The following DNM3 variants were observed in gnomAD, a reference collection of about 807,000 sequenced individuals.
The protein encoded by DNM3 is dynamin-3.
Under a neutral mutation model 101.6 loss-of-function variants are expected in DNM3, and 47 were observed. That is an observed-to-expected ratio of 0.46 (90% confidence interval 0.37 to 0.59). The LOEUF (loss-of-function observed/expected upper bound fraction) is 0.59, where lower values mean the gene tolerates loss of function less well. DNM3 is among the 20% of genes least tolerant of loss of function. The pLI is 0.00. For synonymous variants in DNM3, 385 were observed against 387.9 expected, an observed-to-expected ratio of 0.99 and a Z score of 0.09; for missense variants, 849 against 1,085.7, an observed-to-expected ratio of 0.78 and a Z score of 3.06.
At chr1:172,026,681 A>G (rs1230100477) in intron 4 of DNM3, among the ~76,000 whole-genome samples, 3 of 151,458 alleles carry the variant, frequency 2.0e-5, no homozygotes, top group Non-Finnish European at 4.4e-5. Context: ...TTGAGACAGA[A>G]TCTTGGTTTG....
intron 14 of DNM3, among the ~76,000 whole-genome samples, chr1:172,159,211 G>C (rs2148278785): frequency 6.6e-6 from 1 of 152,012 alleles, no homozygotes; most frequent in Non-Finnish European, 1.5e-5. Flanking sequence ...GGAGAAAAAA[G>C]CCGTCTATGG....
At chr1:172,099,243 A>G (rs2054465399) in intron 13 of DNM3, among the ~76,000 whole-genome samples, 1 of 152,212 alleles carries the variant, frequency 6.6e-6, no homozygotes, top group African/African-American at 2.4e-5. Context: ...GATTAGCATA[A>G]TACAAATTTA....
At chr1:172,080,797 C>A (rs1404476877) in intron 11 of DNM3, among the ~76,000 whole-genome samples, 1 of 152,168 alleles carries the variant, frequency 6.6e-6, no homozygotes, top group Admixed American at 6.5e-5. Context: ...GTTGCGAAGA[C>A]CATGGGAAAA....
chr1:172,333,379 C>T (rs2066274676), intron 17 of DNM3, among the ~76,000 whole-genome samples: 1 of 152,090 alleles, frequency 6.6e-6, no homozygotes, highest in Non-Finnish European at 1.5e-5. Context: ...TGCCTAGACC[C>T]AGTTAGTAAT....
At chr1:172,331,220 T>C (rs1463535507) in intron 17 of DNM3, among the ~76,000 whole-genome samples, 2 of 152,308 alleles carry the variant, frequency 1.3e-5, no homozygotes, top group Non-Finnish European at 2.9e-5. Flanking sequence ...TATGACTGTG[T>C]TGTGTGTAAT....
At chr1:171,965,963 T>C (rs1416163946) in intron 2 of DNM3, among the ~76,000 whole-genome samples, 2 of 152,132 alleles carry the variant, frequency 1.3e-5, no homozygotes, top group Non-Finnish European at 2.9e-5. Context: ...TTGTTATGAA[T>C]AACAAACGAT....
intron 2 of DNM3, among the ~76,000 whole-genome samples, chr1:171,958,115 G>A (rs906857965): frequency 2.0e-5 from 3 of 152,146 alleles, no homozygotes; most frequent in Non-Finnish European, 2.9e-5. Flanking sequence ...TGAAAGGCAC[G>A]TCTCACATGG....
chr1:172,097,005 C>G (rs1488062267), intron 13 of DNM3, among the ~76,000 whole-genome samples: 1 of 152,024 alleles, frequency 6.6e-6, no homozygotes, highest in Non-Finnish European at 1.5e-5. Flanking sequence ...AAAGAGTTCT[C>G]AGGGGGTTAA....
At chr1:171,883,928 G>T (rs891802461) in intron 1 of DNM3, among the ~76,000 whole-genome samples, 2 of 152,146 alleles carry the variant, frequency 1.3e-5, no homozygotes, top group African/African-American at 4.8e-5. Flanking sequence ...TCTTATAAGG[G>T]TTTGCTTTCC....
chr1:172,400,264 T>C (rs2070368033), intron 20 of DNM3, among the ~76,000 whole-genome samples: 1 of 152,148 alleles, frequency 6.6e-6, no homozygotes, highest in Non-Finnish European at 1.5e-5. Flanking sequence ...CTCCCTCTCC[T>C]GGTGCCTGAA....
In DNM3 at chr1:171,925,727, T is replaced by G. The variant is rs557505726; in HGVS notation, c.235+3906T>G. On this transcript the variant is annotated intron_variant, in intron 2 of 20. Transcript: ENST00000627582. ...TTAGTTTAGTTAAGTCCCGTTTGTC[T>G]ATTTCTGTTTTTGTTGCATTGCTTT... Among the ~76,000 whole-genome samples the G allele has an allele frequency of 2.0e-5, 3 of 152,362 alleles. No individual in the cohort carries two copies. In the East Asian group the frequency reaches 5.8e-4, roughly 29 times the overall value.
At chr1:172,282,980 C>A (rs1385310751) in intron 15 of DNM3, among the ~76,000 whole-genome samples, 1 of 152,200 alleles carries the variant, frequency 6.6e-6, no homozygotes. Flanking sequence ...TCAACTTGCA[C>A]CTGTTTTACT....
intron 14 of DNM3, among the ~76,000 whole-genome samples, chr1:172,169,973 C>T (rs1045553814): frequency 9.2e-5 from 14 of 151,764 alleles, no homozygotes; most frequent in African/African-American, 3.4e-4. Context: ...GCAAAGAAAT[C>T]CCTTGAAGCT....
At chr1:172,128,391 T>C (rs1346091854) in intron 13 of DNM3, among the ~76,000 whole-genome samples, 1 of 152,180 alleles carries the variant, frequency 6.6e-6, no homozygotes, top group Non-Finnish European at 1.5e-5. Flanking sequence ...AATTTTAGAA[T>C]GGTTGGTTTT....
At chr1:172,343,728 C>T (rs1241405333) in intron 17 of DNM3, among the ~76,000 whole-genome samples, 3 of 152,144 alleles carry the variant, frequency 2.0e-5, no homozygotes, top group Non-Finnish European at 4.4e-5. Context: ...ACAAAATATT[C>T]TGTAAAATTT....
At chr1:172,122,597 G>T (rs1257714688) in intron 13 of DNM3, among the ~76,000 whole-genome samples, 1 of 152,154 alleles carries the variant, frequency 6.6e-6, no homozygotes, top group Non-Finnish European at 1.5e-5. Flanking sequence ...AACATCAGAG[G>T]ATTATGCCAC....
Position 172,388,741 on chromosome 1 carries a change from C to T in DNM3, c.2454C>T (p.Ser818=), listed in dbSNP as rs369042235. 29 of 1,612,550 alleles carry T rather than the reference C, an allele frequency of 1.8e-5. No homozygotes were observed. The highest frequency in any genetic ancestry group is 1.6e-4 in the Middle Eastern group (1 of 6,082). ...RPGPLPPFPS[S]SDSFGAPPQV... is the part of the protein sequence containing the mutation. ...GCCCATTACCTCCTTTCCCCAGCAG[C>T]AGTGACTCCTTCGGAGCCCCTCCAC... The change falls in exon 20 of 21, where the codon AGC becomes AGT. Residue 818 remains serine, a synonymous_variant. Transcript: ENST00000627582.
chr1:172,082,684 A>G (rs536036529), intron 12 of DNM3, among the ~76,000 whole-genome samples: 1 of 152,362 alleles, frequency 6.6e-6, no homozygotes, highest in Admixed American at 6.5e-5. Flanking sequence ...AGTATTCAAG[A>G]ACAGAGACAA....
At chr1:172,162,438 A>C (rs1355579260) in intron 14 of DNM3, among the ~76,000 whole-genome samples, 1 of 151,996 alleles carries the variant, frequency 6.6e-6, no homozygotes, top group Non-Finnish European at 1.5e-5. Flanking sequence ...AGTTTACTTA[A>C]TATATGATGT....
Sources: gnomAD v4.1 joint callset for allele counts (sites outside exome capture counted in the v4.1 genomes callset) on GRCh38, gnomAD v4.1.1 for gene constraint, MANE v1.5 for transcripts, NCBI Gene and HGNC (gene_info 2026-07-23, HGNC 2026-07-21) for gene names.